Variants in FER observed in about 807,000 individuals in gnomAD.
FER encodes FER tyrosine kinase.
A neutral mutation model predicts 111.0 loss-of-function variants in FER; 63 were observed. That is an observed-to-expected ratio of 0.57 (90% CI 0.46 to 0.70). The LOEUF (loss-of-function observed/expected upper bound fraction) is 0.70. Among genes scored for constraint, FER ranks in the 30% least tolerant of loss-of-function variants. The pLI is 0.00. For synonymous variants in FER, 327 were observed against 313.9 expected, an observed-to-expected ratio of 1.04 and a Z score of -0.44; for missense variants, 914 against 954.0, an observed-to-expected ratio of 0.96 and a Z score of 0.55.
At chr5:108,987,672 C>T (rs1378129736) in intron 13 of FER, among the ~76,000 whole-genome samples, 1 of 152,086 alleles carries the variant, frequency 6.6e-6, no homozygotes, top group Non-Finnish European at 1.5e-5. Flanking sequence ...AATTCATTTA[C>T]CAGTTCTACA....
intron 16 of FER, among the ~76,000 whole-genome samples, chr5:109,062,644 G>T (rs922468653): frequency 6.6e-6 from 1 of 152,000 alleles, no homozygotes; most frequent in African/African-American, 2.4e-5. Flanking sequence ...GAAAGATGCC[G>T]TGATGAATAG....
At chr5:109,095,831 A>G (rs918529215) in intron 16 of FER, among the ~76,000 whole-genome samples, 3 of 152,052 alleles carry the variant, frequency 2.0e-5, no homozygotes, top group African/African-American at 7.2e-5. Context: ...TTACTAGCCT[A>G]TTTTTTAACA....
chr5:108,748,982 G>C (rs1415144715), intron 1 of FER: 2 of 152,808 alleles, frequency 1.3e-5, no homozygotes, highest in East Asian at 3.9e-4. Context: ...GTTCGGGCTT[G>C]TCAGGTTCTA....
At chr5:108,986,248 G>T (rs561149216) in intron 13 of FER, among the ~76,000 whole-genome samples, 4 of 148,926 alleles carry the variant, frequency 2.7e-5, no homozygotes, top group Non-Finnish European at 5.9e-5. Flanking sequence ...GTTGAGAATT[G>T]TCTATTCATG....
rs1158966652 is a variant in FER at position 108,973,082 on chromosome 5, C to G, written c.1656+13735C>G. 2.0e-5 allele frequency among the ~76,000 whole-genome samples: 3 copies of G among 152,188 alleles called. No individual in the cohort carries two copies. In the East Asian group the frequency reaches 5.8e-4, roughly 29 times the overall value. ...TATTTGACACCTTGATGAGATTTCT[C>G]TCTGATATTAAAGTGGTGACACAAT... On this transcript the variant is annotated intron_variant, in intron 13 of 19. Transcript: ENST00000281092.
chr5:108,951,293 G>A (rs963947865), intron 11 of FER, among the ~76,000 whole-genome samples: 4 of 151,862 alleles, frequency 2.6e-5, no homozygotes, highest in Non-Finnish European at 5.9e-5. Context: ...TAAATTTCTA[G>A]AGATAGGGCC....
intron 17 of FER, among the ~76,000 whole-genome samples, chr5:109,119,600 A>T (rs1249259394): frequency 6.6e-6 from 1 of 152,068 alleles, no homozygotes; most frequent in Non-Finnish European, 1.5e-5. Flanking sequence ...TCTGATGTTG[A>T]CAGTGGGGTG....
At chr5:108,890,946 TGTTTA>T (rs1265502697) in intron 9 of FER, among the ~76,000 whole-genome samples, 3 of 152,086 alleles carry the variant, frequency 2.0e-5, no homozygotes, top group Non-Finnish European at 4.4e-5. Context: ...GGTAATTGTA[TGTTTA>T]GTTTAGTTTT....
intron 2 of FER, among the ~76,000 whole-genome samples, chr5:108,774,238 C>A (rs1753240798): frequency 1.3e-5 from 2 of 152,036 alleles, no homozygotes; most frequent in Non-Finnish European, 1.5e-5. Flanking sequence ...GAGCTCATTC[C>A]TTTTTATGGC....
chr5:108,883,018 A>T (rs2150285571), intron 8 of FER, among the ~76,000 whole-genome samples: 1 of 152,130 alleles, frequency 6.6e-6, no homozygotes, highest in East Asian at 1.9e-4. Context: ...TGAAGAGTAA[A>T]TGAGATAACA....
At chr5:108,781,133 C>T (rs1754027542) in intron 2 of FER, among the ~76,000 whole-genome samples, 1 of 152,150 alleles carries the variant, frequency 6.6e-6, no homozygotes, top group South Asian at 2.1e-4. Context: ...ATGATTCTCA[C>T]ATCCTTTGCC....
intron 16 of FER, among the ~76,000 whole-genome samples, chr5:109,070,032 C>T (rs1320825485): frequency 6.6e-6 from 1 of 151,990 alleles, no homozygotes; most frequent in East Asian, 1.9e-4. Context: ...TTGAGATTTG[C>T]CTATTCTCCT....
At chr5:109,066,436 T>C (rs1345471013) in intron 16 of FER, among the ~76,000 whole-genome samples, 1 of 152,202 alleles carries the variant, frequency 6.6e-6, no homozygotes, top group Non-Finnish European at 1.5e-5. Flanking sequence ...AATTTATAAA[T>C]ATTACATCAT....
At chr5:109,090,081 CTG>C (rs1016393380) in intron 16 of FER, among the ~76,000 whole-genome samples, 1 of 152,130 alleles carries the variant, frequency 6.6e-6, no homozygotes, top group Non-Finnish European at 1.5e-5. Context: ...GGACTGGTAT[CTG>C]TGTTGCCTAC....
intron 10 of FER, among the ~76,000 whole-genome samples, chr5:108,931,426 G>A (rs1186880487): frequency 6.6e-6 from 1 of 151,998 alleles, no homozygotes; most frequent in Non-Finnish European, 1.5e-5. Context: ...CTGAAATGTA[G>A]ATCCAAACTT....
chr5:109,014,434 G>C (rs1386468764), intron 13 of FER, among the ~76,000 whole-genome samples: 5 of 152,080 alleles, frequency 3.3e-5, no homozygotes, highest in Non-Finnish European at 7.4e-5. Context: ...CTGTTCCATT[G>C]ATCTATATCT....
chr5:108,960,139 T>C lies in FER; in HGVS notation c.1656+792T>C, dbSNP rs576571429. 2.6e-5 allele frequency among the ~76,000 whole-genome samples: 4 copies of C among 152,272 alleles called. No homozygotes were observed. In the South Asian group the frequency reaches 8.3e-4, roughly 32 times the overall value. On this transcript the variant is annotated intron_variant, in intron 13 of 19. Transcript: ENST00000281092. ...CACAACTTGGTAGATTAATATTTGT[T>C]GATATGACTTTTATACATTTAGGGA...
chr5:109,071,354 T>G (rs983998354), intron 16 of FER, among the ~76,000 whole-genome samples: 2 of 152,028 alleles, frequency 1.3e-5, no homozygotes. Context: ...AGACTGACCT[T>G]ATGGATTTTG....
intron 16 of FER, among the ~76,000 whole-genome samples, chr5:109,068,535 A>T (rs994191595): frequency 6.6e-6 from 1 of 152,186 alleles, no homozygotes; most frequent in African/African-American, 2.4e-5. Context: ...GTGGGATGCA[A>T]AATGCACTGT....
Sources: gnomAD v4.1 joint callset for allele counts (sites outside exome capture counted in the v4.1 genomes callset) on GRCh38, gnomAD v4.1.1 for gene constraint, MANE v1.5 for transcripts, NCBI Gene and HGNC (gene_info 2026-07-23, HGNC 2026-07-21) for gene names.